EPM2A: variants seen among roughly 807,000 people sequenced by gnomAD.
The protein encoded by EPM2A is EPM2A glucan phosphatase, laforin, also known as laforin.
Under a neutral mutation model 26.5 loss-of-function variants are expected in EPM2A, and 21 were observed. The ratio of observed to expected loss-of-function variants is 0.79; its 90% CI spans 0.56 to 1.14. The LOEUF is 1.14. Ranked by LOEUF, EPM2A falls within the 50% of genes most tolerant of loss-of-function variation. EPM2A has a pLI of 0.00. For synonymous variants in EPM2A, 217 were observed against 177.6 expected (o/e 1.22, Z -1.76); for missense variants, 458 against 440.8 (o/e 1.04, Z -0.35).
intron 4 of EPM2A, among the ~76,000 whole-genome samples, chr6:145,467,151 A>C (rs970892249): frequency 2.6e-5 from 4 of 151,950 alleles, no homozygotes; most frequent in African/African-American, 9.7e-5. Context: ...AATAATAATA[A>C]ATAAATAAAT....
chr6:145,578,537 A>C (rs1209412187), intron 2 of EPM2A, among the ~76,000 whole-genome samples: 1 of 152,174 alleles, frequency 6.6e-6, no homozygotes, highest in Non-Finnish European at 1.5e-5. Context: ...ATGAGATCGA[A>C]TTAATAACAA....
Position 145,576,716 on chromosome 6 carries a change from G to C in EPM2A, c.340+58529C>G, listed in dbSNP as rs143599065. On this transcript the variant is annotated intron_variant, in intron 2 of 3. Transcript: ENST00000450221. Reference sequence around the variant, plus strand: ...TCATCTGAAAGTATAAAACTCACTGGTAAAAGTAAGTACACAAAGATAGAA... The same window carrying C: ...TCATCTGAAAGTATAAAACTCACTGCTAAAAGTAAGTACACAAAGATAGAA... 5.0e-3 allele frequency among the ~76,000 whole-genome samples: 754 copies of C among 152,136 alleles called. 6 individuals carry two copies. The highest frequency in any genetic ancestry group is 0.015 in the African/African-American group (617 of 41,496).
At chr6:145,467,986 G>A (rs948140330) in intron 4 of EPM2A, among the ~76,000 whole-genome samples, 3 of 151,654 alleles carry the variant, frequency 2.0e-5, no homozygotes, top group Non-Finnish European at 4.4e-5. Context: ...TTCTAAGTAG[G>A]TAATCACATT....
At chr6:145,652,103 GC>G (rs1342468690) in intron 2 of EPM2A, among the ~76,000 whole-genome samples, 1 of 152,064 alleles carries the variant, frequency 6.6e-6, no homozygotes, top group African/African-American at 2.4e-5. Context: ...CTATAAAAAA[GC>G]CTGTACAGCT....
chr6:145,727,520 C>A (rs746825545), intron 1 of EPM2A, among the ~76,000 whole-genome samples: 17 of 150,610 alleles, frequency 1.1e-4, no homozygotes, highest in Non-Finnish European at 2.2e-4. Flanking sequence ...AAAAAAAAAA[C>A]CTCCGTTTCT....
At chr6:145,389,102 T>C (rs777210618) in intron 4 of EPM2A, among the ~76,000 whole-genome samples, 10 of 152,152 alleles carry the variant, frequency 6.6e-5, no homozygotes, top group Non-Finnish European at 1.3e-4. Flanking sequence ...TCTTACAAAA[T>C]ATTAGTTTCT....
chr6:145,611,626 T>C (rs1775394171), intron 2 of EPM2A, among the ~76,000 whole-genome samples: 1 of 152,234 alleles, frequency 6.6e-6, no homozygotes, highest in Non-Finnish European at 1.5e-5. Flanking sequence ...TAACAATACA[T>C]TGTCTGCAAT....
At chr6:145,479,225 A>G (rs1026824796) in intron 4 of EPM2A, among the ~76,000 whole-genome samples, 10 of 148,206 alleles carry the variant, frequency 6.7e-5, no homozygotes, top group African/African-American at 2.4e-4. Context: ...TTATTTTAGT[A>G]AAATATATAT....
chr6:145,477,164 C>A (rs1779553455), intron 4 of EPM2A, among the ~76,000 whole-genome samples: 2 of 151,790 alleles, frequency 1.3e-5, no homozygotes, highest in Non-Finnish European at 2.9e-5. Context: ...CTATGAGCAA[C>A]TATATGCTGA....
intron 2 of EPM2A, among the ~76,000 whole-genome samples, chr6:145,551,940 A>C (rs1780661024): frequency 6.6e-6 from 1 of 152,082 alleles, no homozygotes; most frequent in Non-Finnish European, 1.5e-5. Flanking sequence ...TTCGATATAG[A>C]ACCAAATAAA....
chr6:145,596,689 T>A (rs902382063), intron 2 of EPM2A, among the ~76,000 whole-genome samples: 1 of 151,972 alleles, frequency 6.6e-6, no homozygotes, highest in African/African-American at 2.4e-5. Context: ...TGTAAAAACA[T>A]CTCTCCATAT....
At chr6:145,595,241 C>T (rs1284396123) in intron 2 of EPM2A, among the ~76,000 whole-genome samples, 1 of 151,636 alleles carries the variant, frequency 6.6e-6, no homozygotes, top group African/African-American at 2.4e-5. Context: ...TTTGATATGA[C>T]CTTCTGCTCT....
In EPM2A at chr6:145,733,846, G is replaced by A. The variant is rs376771817; in HGVS notation, c.301+1352C>T. ...ATTCTTTGTTTCTACATCATTACAG[G>A]CTAAATGGCCCATTTTTTTTTTCAT... On this transcript the variant is annotated intron_variant, in intron 1 of 3. Coordinates refer to ENST00000367519, the MANE Select transcript of EPM2A (RefSeq NM_005670.4). Among the ~76,000 whole-genome samples the A allele has an allele frequency of 2.5e-4, 38 of 152,022 alleles. No individual in the cohort carries two copies. In the East Asian group the frequency reaches 4.3e-3, roughly 17 times the overall value.
chr6:145,433,139 A>G (rs1299102327), intron 4 of EPM2A, among the ~76,000 whole-genome samples: 1 of 152,158 alleles, frequency 6.6e-6, no homozygotes, highest in Non-Finnish European at 1.5e-5. Flanking sequence ...CTTATCATTT[A>G]TGTGTTCACA....
intron 4 of EPM2A, among the ~76,000 whole-genome samples, chr6:145,400,721 A>G (rs142971467): frequency 2.2e-3 from 334 of 152,330 alleles, no homozygotes; most frequent in African/African-American, 7.6e-3. Flanking sequence ...ATGCATGTAC[A>G]TGACTTTCTA....
chr6:145,570,615 CCTT>C, intron 2 of EPM2A, among the ~76,000 whole-genome samples: 1 of 152,314 alleles, frequency 6.6e-6, no homozygotes, highest in Non-Finnish European at 1.5e-5. Flanking sequence ...TTGATGACTG[CCTT>C]CTTCTACTAC....
intron 4 of EPM2A, among the ~76,000 whole-genome samples, chr6:145,431,056 C>T (rs1582749668): frequency 6.6e-6 from 1 of 152,058 alleles, no homozygotes; most frequent in Non-Finnish European, 1.5e-5. Context: ...CACTTAATTT[C>T]AAATACTCCC....
chr6:145,404,957 TA>T (rs1181079005), intron 4 of EPM2A, among the ~76,000 whole-genome samples: 1 of 152,146 alleles, frequency 6.6e-6, no homozygotes, highest in Non-Finnish European at 1.5e-5. Context: ...ATACAATTTA[TA>T]AAACTTTGTG....
At chr6:145,510,136 A>G (rs1439853025) in intron 2 of EPM2A, among the ~76,000 whole-genome samples, 2 of 152,144 alleles carry the variant, frequency 1.3e-5, no homozygotes, top group Non-Finnish European at 2.9e-5. Context: ...CCACACAATA[A>G]TAGTGGTGGA....
Sources: gnomAD v4.1 joint callset for allele counts (sites outside exome capture counted in the v4.1 genomes callset) on GRCh38, gnomAD v4.1.1 for gene constraint, MANE v1.5 for transcripts, NCBI Gene and HGNC (gene_info 2026-07-23, HGNC 2026-07-21) for gene names.